Variants in COL4A5 observed in about 807,000 individuals in gnomAD.
COL4A5 encodes collagen alpha-5(IV) chain.
Under a neutral mutation model 130.2 loss-of-function variants are expected in COL4A5, and 26 were observed. The ratio of observed to expected loss-of-function variants is 0.20; its 90% confidence interval spans 0.15 to 0.28. The LOEUF (loss-of-function observed/expected upper bound fraction) is 0.28. Among genes scored for constraint, COL4A5 ranks in the 10% least tolerant of loss-of-function variants. The probability of loss-of-function intolerance (pLI) is 1.00; values close to 1 mark genes in which losing one functional copy is unlikely to be tolerated. For missense variants in COL4A5, 1,131 were observed against 1,344.3 expected, an observed-to-expected ratio of 0.84 and a Z score of 2.48; for synonymous variants, 496 against 439.6, an observed-to-expected ratio of 1.13 and a Z score of -1.60.
chrX:108,534,884 GTTGTCTCTTTAGTA>G (rs922737221), intron 1 of COL4A5, among the ~76,000 whole-genome samples: 3 of 110,540 alleles, frequency 2.7e-5, no homozygotes, highest in African/African-American at 9.8e-5. Flanking sequence ...AATCTTAGCC[GTTGTCTCTTTAGTA>G]TTGTCTTTAT....
At chrX:108,618,641 T>G (rs943862236) in intron 30 of COL4A5, among the ~76,000 whole-genome samples, 1 of 111,706 alleles carries the variant, frequency 9.0e-6, no homozygotes, top group South Asian at 3.7e-4. Context: ...TCATTTCTAA[T>G]ATATGATAGC....
chrX:108,498,919 C>T (rs954336961), intron 1 of COL4A5, among the ~76,000 whole-genome samples: 4 of 110,999 alleles, frequency 3.6e-5, no homozygotes, highest in Admixed American at 1.9e-4. Flanking sequence ...TTAGAAGTTT[C>T]TACAATTAAT....
intron 13 of COL4A5, among the ~76,000 whole-genome samples, chrX:108,580,203 G>A (rs2066218844): frequency 9.0e-6 from 1 of 111,534 alleles, no homozygotes; most frequent in South Asian, 3.7e-4. Flanking sequence ...CATCAGCCAG[G>A]TAGTGAACAT....
chrX:108,586,590 A>ATTTTTT (rs104886089), intron 18 of COL4A5, 25 bp from the exon 19 acceptor site: 1 of 1,101,138 alleles, frequency 9.1e-7, no homozygotes. Context: ...GCATTTCTTT[A>ATTTTTT]TTTTTTTTTT....
rs1375318485 is a variant in COL4A5, at chrX:108,550,006, G to A, written c.142-9058G>A. Among the ~76,000 whole-genome samples the A allele has an allele frequency of 3.6e-5, 4 of 111,474 alleles. No homozygotes were observed. In the East Asian group the frequency reaches 1.1e-3, roughly 31 times the overall value. On this transcript the variant is annotated intron_variant, in intron 2 of 52. Transcript: ENST00000328300. ...AAAGAAAGAAGCAAAATATAAATTAGCCCTATATATACTAAGGAAGTTGAA... is the reference window on the plus strand; with the variant it reads ...AAAGAAAGAAGCAAAATATAAATTAACCCTATATATACTAAGGAAGTTGAA...
intron 1 of COL4A5, among the ~76,000 whole-genome samples, chrX:108,536,239 C>T (rs1292586342): frequency 9.3e-6 from 1 of 107,941 alleles, no homozygotes; most frequent in East Asian, 2.9e-4. Flanking sequence ...TATTTGACGT[C>T]AACTTTTATC....
intron 3 of COL4A5, among the ~76,000 whole-genome samples, chrX:108,559,420 A>C (rs188680904): frequency 8.9e-6 from 1 of 112,568 alleles, no homozygotes; most frequent in Admixed American, 9.4e-5. Context: ...TCAAGAGCTT[A>C]GCTGAGCTGG....
At chrX:108,630,090 C>T (rs747884042) in intron 36 of COL4A5, among the ~76,000 whole-genome samples, 4 of 111,898 alleles carry the variant, frequency 3.6e-5, no homozygotes, top group African/African-American at 9.7e-5. Flanking sequence ...CAAGTCTTTG[C>T]TACTGTGAAT....
intron 10 of COL4A5, among the ~76,000 whole-genome samples, chrX:108,577,303 C>T (rs1278596690): frequency 1.0e-5 from 1 of 96,564 alleles, no homozygotes; most frequent in Admixed American, 1.2e-4. Context: ...ACCCAGGAGG[C>T]GGAGGTTGTG....
intron 2 of COL4A5, among the ~76,000 whole-genome samples, chrX:108,556,341 T>G (rs1349955071): frequency 9.0e-6 from 1 of 111,533 alleles, no homozygotes; most frequent in Non-Finnish European, 1.9e-5. Context: ...TCATTGAGTT[T>G]TAGGTGCCTG....
intron 1 of COL4A5, among the ~76,000 whole-genome samples, chrX:108,477,743 G>C (rs1466209816): frequency 3.8e-5 from 4 of 106,139 alleles, no homozygotes; most frequent in African/African-American, 1.4e-4. Flanking sequence ...TTGAACCTGG[G>C]AGGCAGAGGT....
intron 3 of COL4A5, among the ~76,000 whole-genome samples, chrX:108,560,417 G>A (rs915042776): frequency 9.8e-5 from 11 of 112,727 alleles, no homozygotes; most frequent in Non-Finnish European, 1.7e-4. Flanking sequence ...GGGCCAAGGA[G>A]TTGAGGCTAG....
chrX:108,581,081 T>G, intron 16 of COL4A5, 54 bp downstream of exon 16: 2 of 1,053,326 alleles, frequency 1.9e-6, no homozygotes, highest in Non-Finnish European at 2.7e-6. Flanking sequence ...TATGTGTTGG[T>G]ATAACATAAG....
chrX:108,499,832 G>GTT (rs1406452109), intron 1 of COL4A5, among the ~76,000 whole-genome samples: 1 of 111,131 alleles, frequency 9.0e-6, no homozygotes, highest in Non-Finnish European at 1.9e-5. Flanking sequence ...ATATGTATAC[G>GTT]TTTATATATA....
intron 38 of COL4A5, 133 bp downstream of exon 38, chrX:108,665,720 G>A (rs1410036681): frequency 2.0e-6 from 1 of 495,917 alleles, no homozygotes; most frequent in Non-Finnish European, 3.5e-6. Context: ...ACTTAACACT[G>A]CATGTGAGGT....
Position 108,647,219 on chromosome X carries a change from A to G in COL4A5, c.3247-8112A>G, listed in dbSNP as rs754777935. 2.7e-5 allele frequency among the ~76,000 whole-genome samples: 3 copies of G among 111,166 alleles called. No individual in the cohort carries two copies. In the South Asian group the frequency reaches 1.1e-3, roughly 42 times the overall value. ...TGATTCTTCCTACCCATGAGCATGG[A>G]ATGTTCTTCCATTTGTTTGTATGCT... On this transcript the variant is annotated intron_variant, in intron 36 of 52. Coordinates refer to ENST00000328300, the MANE Select transcript of COL4A5 (RefSeq NM_033380.3).
At chrX:108,658,812 GA>G (rs1358071310) in intron 37 of COL4A5, among the ~76,000 whole-genome samples, 3 of 110,942 alleles carry the variant, frequency 2.7e-5, no homozygotes, top group Non-Finnish European at 5.7e-5. Context: ...TCAAGCCTCT[GA>G]GGCATTCATT....
At chrX:108,572,585 C>T (rs1444862529) in intron 8 of COL4A5, among the ~76,000 whole-genome samples, 1 of 111,538 alleles carries the variant, frequency 9.0e-6, no homozygotes, top group Non-Finnish European at 1.9e-5. Context: ...GTAAAAGGCA[C>T]CTTAAATTCA....
At chrX:108,628,790 A>G (rs2147877667) in intron 36 of COL4A5, among the ~76,000 whole-genome samples, 1 of 111,900 alleles carries the variant, frequency 8.9e-6, no homozygotes, top group East Asian at 2.8e-4. Context: ...TTATTCATTC[A>G]CAAAATATCT....
Sources: allele counts gnomAD v4.1 joint callset (sites outside exome capture counted in the v4.1 genomes callset), GRCh38; gene constraint gnomAD v4.1.1; transcripts MANE v1.5; gene names NCBI Gene and HGNC (gene_info 2026-07-23, HGNC 2026-07-21).